Variants in EDIL3 observed in about 807,000 individuals in gnomAD.
EDIL3 encodes the protein EGF like and discoidin domains 3.
In EDIL3, 37 loss-of-function variants were observed where a neutral mutation model predicts 67.4. That is an observed-to-expected ratio of 0.55 (90% confidence interval 0.42 to 0.72). The LOEUF is 0.72. Among genes scored for constraint, EDIL3 ranks in the 30% least tolerant of loss-of-function variants. The pLI, the probability that EDIL3 is intolerant of heterozygous loss-of-function variation, is 0.00. For missense variants in EDIL3, 527 were observed against 586.3 expected, an observed-to-expected ratio of 0.90 and a Z score of 1.04; for synonymous variants, 195 against 196.3, an observed-to-expected ratio of 0.99 and a Z score of 0.05.
At chr5:84,383,394 G>T (rs1748131665) in intron 1 of EDIL3, among the ~76,000 whole-genome samples, 1 of 152,198 alleles carries the variant, frequency 6.6e-6, no homozygotes, top group South Asian at 2.1e-4. Context: ...CCTGGAAGTC[G>T]CCTAAACTAC....
Position 84,128,457 on chromosome 5 carries a change from T to TA in EDIL3, c.469+8783dup, listed in dbSNP as rs1249883986. 2.0e-5 allele frequency among the ~76,000 whole-genome samples: 3 copies of TA among 146,604 alleles called. No individual in the cohort carries two copies. The East Asian group carries it at 6.2e-4, about 30-fold the overall frequency. On this transcript the variant is annotated intron_variant, in intron 5 of 10. Coordinates refer to ENST00000296591, the MANE Select transcript of EDIL3 (RefSeq NM_005711.5). ...ACCTAAGTACCCAAGAACGCCACAT[T>TA]AACATGTAGAAGATACTGTCTGGCC... is the stretch of plus-strand genomic sequence containing the variant.
intron 3 of EDIL3, among the ~76,000 whole-genome samples, chr5:84,213,983 C>A (rs955692726): frequency 6.6e-6 from 1 of 152,100 alleles, no homozygotes; most frequent in South Asian, 2.1e-4. Flanking sequence ...GCAGGCTTGC[C>A]CCTTCCCCCT....
At chr5:84,366,996 C>T (rs1160575591) in intron 1 of EDIL3, among the ~76,000 whole-genome samples, 1 of 152,088 alleles carries the variant, frequency 6.6e-6, no homozygotes, top group East Asian at 1.9e-4. Flanking sequence ...AAACATATAA[C>T]AAAATACAAT....
Position 84,254,129 on chromosome 5 carries a change from GACACTCACAGGAAAAGGA to G in EDIL3, c.133_150del (p.Ser45_Cys50del). 6.2e-7 allele frequency: 1 copy of G among 1,612,722 alleles called. No homozygotes were observed. Among genetic ancestry groups the G allele is most frequent in the Non-Finnish European group, 8.5e-7 (1 of 1,179,318 alleles). On this transcript the variant is annotated inframe_deletion, in exon 2 of 11. Transcript: ENST00000296591. ...CAGTTGGGGTCTGTGAAGCCATCTG[GACACTCACAGGAAAAGGA>G]ACCATCAGCCAATCCTGGCAAACAG...
At chr5:84,060,194 C>T (rs1223864472) in intron 9 of EDIL3, 106 bp downstream of exon 9, 62 of 1,315,254 alleles carry the variant, frequency 4.7e-5, no homozygotes, top group Non-Finnish European at 6.3e-5. Flanking sequence ...GATGAAGGCA[C>T]ATTTAAATTA....
rs553417966 is a variant in EDIL3 at position 84,103,574 on chromosome 5, T to C, written c.651+3075A>G. 1.6e-4 allele frequency among the ~76,000 whole-genome samples: 24 copies of C among 151,936 alleles called. 1 individual carries two copies. The South Asian group carries it at 4.8e-3, about 30-fold the overall frequency. On this transcript the variant is annotated intron_variant, in intron 6 of 10. Coordinates refer to ENST00000296591, the MANE Select transcript of EDIL3 (RefSeq NM_005711.5). The stretch of plus-strand genomic sequence containing the variant: ...GGGCAAAGGACATAAACAGACAATT[T>C]TCAAAAGAAGACATACATGCAGCCA...
intron 4 of EDIL3, among the ~76,000 whole-genome samples, chr5:84,153,833 G>A (rs1748442694): frequency 6.6e-6 from 1 of 152,184 alleles, no homozygotes; most frequent in African/African-American, 2.4e-5. Flanking sequence ...TCATGTTCCA[G>A]TGAACTACAG....
intron 1 of EDIL3, among the ~76,000 whole-genome samples, chr5:84,309,496 C>T (rs1450057308): frequency 6.6e-6 from 1 of 151,782 alleles, no homozygotes; most frequent in Admixed American, 6.6e-5. Flanking sequence ...TTCCCCCGTC[C>T]CCCCACCCCA....
chr5:84,053,604 C>T (rs1183125472), intron 9 of EDIL3, among the ~76,000 whole-genome samples: 1 of 151,952 alleles, frequency 6.6e-6, no homozygotes, highest in Non-Finnish European at 1.5e-5. Flanking sequence ...CAAATAGATC[C>T]AATAAAAATG....
chr5:84,212,816 G>A (rs1744155753), intron 3 of EDIL3, among the ~76,000 whole-genome samples: 1 of 152,062 alleles, frequency 6.6e-6, no homozygotes, highest in African/African-American at 2.4e-5. Context: ...ATTAAACCCA[G>A]GCACAGGTTT....
intron 2 of EDIL3, among the ~76,000 whole-genome samples, chr5:84,252,510 A>AAAAAAAAAAAAAAAAAAAAAAAAAAAAAC (rs1159136355): frequency 6.7e-6 from 1 of 149,022 alleles, no homozygotes; most frequent in South Asian, 2.1e-4. Context: ...AAAAAAAAAA[A>AAAAAAAAAAAAAAAAAAAAAAAAAAAAAC]AAAAAAAATT....
chr5:84,326,584 G>C (rs1217652077), intron 1 of EDIL3, among the ~76,000 whole-genome samples: 1 of 151,746 alleles, frequency 6.6e-6, no homozygotes, highest in African/African-American at 2.4e-5. Context: ...GAAAAAAAAA[G>C]TTGGATGTAA....
At chr5:84,188,932 C>T (rs542678711) in intron 3 of EDIL3, among the ~76,000 whole-genome samples, 4 of 152,010 alleles carry the variant, frequency 2.6e-5, no homozygotes, top group Admixed American at 2.6e-4. Flanking sequence ...CAAACTAATA[C>T]CCTGTTTACA....
chr5:84,059,047 G>T (rs1468753336), intron 9 of EDIL3, among the ~76,000 whole-genome samples: 3 of 151,918 alleles, frequency 2.0e-5, no homozygotes, highest in Non-Finnish European at 4.4e-5. Flanking sequence ...GGAAAGTAAA[G>T]AAAAAAGTGA....
chr5:84,033,682 C>T (rs1335321887), intron 9 of EDIL3, among the ~76,000 whole-genome samples: 4 of 130,796 alleles, frequency 3.1e-5, no homozygotes, highest in African/African-American at 8.9e-5. Flanking sequence ...CCAACCTGGG[C>T]GACAGAGCCA....
At chr5:84,055,964 A>G (rs939755807) in intron 9 of EDIL3, among the ~76,000 whole-genome samples, 1 of 152,236 alleles carries the variant, frequency 6.6e-6, no homozygotes, top group Non-Finnish European at 1.5e-5. Context: ...TACTGGATAT[A>G]TACCCAAAGG....
rs1303771267 is a variant in EDIL3, at chr5:84,069,744, G to A, written c.652-3138C>T. On this transcript the variant is annotated intron_variant, in intron 6 of 10. Transcript: ENST00000296591. Reference sequence around the variant, plus strand: ...GGACCCTGGCGAGCGTTCCACCCTCGGGCCTGTGCCCACGGATCTAGGTGA... The same window carrying A: ...GGACCCTGGCGAGCGTTCCACCCTCAGGCCTGTGCCCACGGATCTAGGTGA... 2.0e-5 allele frequency among the ~76,000 whole-genome samples: 3 copies of A among 152,094 alleles called. No homozygotes were observed. In the East Asian group the frequency reaches 5.8e-4, roughly 29 times the overall value.
At chr5:84,058,394 G>A (rs1365966418) in intron 9 of EDIL3, among the ~76,000 whole-genome samples, 2 of 151,912 alleles carry the variant, frequency 1.3e-5, no homozygotes, top group Non-Finnish European at 2.9e-5. Flanking sequence ...TACAACTTTA[G>A]AAATGAATTT....
intron 1 of EDIL3, among the ~76,000 whole-genome samples, chr5:84,355,026 G>A (rs999953708): frequency 1.3e-5 from 2 of 152,170 alleles, no homozygotes; most frequent in East Asian, 3.9e-4. Context: ...TTGAATGTTG[G>A]CCTGTCTTGC....
Sources: allele counts gnomAD v4.1 joint callset (sites outside exome capture counted in the v4.1 genomes callset), GRCh38; gene constraint gnomAD v4.1.1; transcripts MANE v1.5; gene names NCBI Gene and HGNC (gene_info 2026-07-23, HGNC 2026-07-21).